Variants in PEX14 observed in about 807,000 individuals in gnomAD.
The protein encoded by PEX14 is peroxisomal biogenesis factor 14.
Under a neutral mutation model 49.5 loss-of-function variants are expected in PEX14, and 15 were observed. The ratio of observed to expected loss-of-function variants is 0.30; its 90% CI spans 0.20 to 0.47. PEX14 has a LOEUF of 0.47. PEX14 is among the 20% of genes least tolerant of loss of function. PEX14 has a pLI of 1.00. For synonymous variants in PEX14, 210 were observed against 212.7 expected (o/e 0.99, Z 0.11); for missense variants, 398 against 494.8 (o/e 0.80, Z 1.86).
At chr1:10,584,485 G>A (rs1640422468) in intron 3 of PEX14, among the ~76,000 whole-genome samples, 1 of 152,156 alleles carries the variant, frequency 6.6e-6, no homozygotes, top group African/African-American at 2.4e-5. Context: ...ATTAAGACAT[G>A]CTTACTGAAA....
At chr1:10,551,026 C>T (rs1639319055) in intron 3 of PEX14, among the ~76,000 whole-genome samples, 1 of 152,040 alleles carries the variant, frequency 6.6e-6, no homozygotes, top group South Asian at 2.1e-4. Context: ...AAAGTAAATG[C>T]CGTTGACTTT....
At chr1:10,508,430 A>G (rs548968112) in intron 2 of PEX14, among the ~76,000 whole-genome samples, 16 of 152,238 alleles carry the variant, frequency 1.1e-4, no homozygotes, top group African/African-American at 3.6e-4. Flanking sequence ...GATGGTCTCG[A>G]TCTCCTGACC....
chr1:10,535,650 A>G (rs1638777110), intron 2 of PEX14, among the ~76,000 whole-genome samples: 2 of 152,184 alleles, frequency 1.3e-5, no homozygotes, highest in Admixed American at 1.3e-4. Flanking sequence ...TATGTCTTCA[A>G]TTATATGGTA....
chr1:10,559,939 T>C (rs1486478365), intron 3 of PEX14, among the ~76,000 whole-genome samples: 1 of 152,200 alleles, frequency 6.6e-6, no homozygotes, highest in Non-Finnish European at 1.5e-5. Flanking sequence ...GATGATAAGA[T>C]TCCAGTTCTG....
intron 3 of PEX14, among the ~76,000 whole-genome samples, chr1:10,545,684 A>C (rs776919340): frequency 1.3e-5 from 2 of 152,218 alleles, no homozygotes; most frequent in African/African-American, 2.4e-5. Context: ...TTCGTGGTAC[A>C]TTGGTTTCTT....
At chr1:10,611,598 C>G (rs1641279596) in intron 4 of PEX14, among the ~76,000 whole-genome samples, 1 of 152,194 alleles carries the variant, frequency 6.6e-6, no homozygotes, top group African/African-American at 2.4e-5. Context: ...GTTTGTGTTC[C>G]CATCAGCAAT....
intron 3 of PEX14, among the ~76,000 whole-genome samples, chr1:10,553,847 T>A (rs1415659442): frequency 1.3e-5 from 2 of 152,164 alleles, no homozygotes; most frequent in African/African-American, 4.8e-5. Flanking sequence ...AGTCAACCTG[T>A]TTGCTGATCT....
At chr1:10,579,798 G>T (rs1179674016) in intron 3 of PEX14, among the ~76,000 whole-genome samples, 3 of 152,056 alleles carry the variant, frequency 2.0e-5, no homozygotes, top group African/African-American at 7.2e-5. Flanking sequence ...GTTTTGGTGG[G>T]TTTTGGCCAG....
intron 3 of PEX14, among the ~76,000 whole-genome samples, chr1:10,598,538 G>A (rs935115253): frequency 6.6e-6 from 1 of 152,196 alleles, no homozygotes; most frequent in Non-Finnish European, 1.5e-5. Context: ...CCCATGTATG[G>A]TGTGGTTTAG....
chr1:10,608,462 G>T (rs1248131047), intron 4 of PEX14, among the ~76,000 whole-genome samples: 1 of 152,086 alleles, frequency 6.6e-6, no homozygotes, highest in Non-Finnish European at 1.5e-5. Flanking sequence ...AGGAGTTCGA[G>T]ACCAGCCTGG....
At chr1:10,610,097 T>C (rs1641236166) in intron 4 of PEX14, among the ~76,000 whole-genome samples, 1 of 148,076 alleles carries the variant, frequency 6.8e-6, no homozygotes, top group Non-Finnish European at 1.5e-5. Context: ...ATTTCTATAT[T>C]ATATGTAAAT....
At chr1:10,609,469 A>G (rs184323569) in intron 4 of PEX14, among the ~76,000 whole-genome samples, 17 of 152,362 alleles carry the variant, frequency 1.1e-4, no homozygotes, top group Non-Finnish European at 1.9e-4. Context: ...ATCACAATAT[A>G]GAAAATTTCT....
chr1:10,608,330 A>G (rs1343907840), intron 4 of PEX14, among the ~76,000 whole-genome samples: 1 of 152,176 alleles, frequency 6.6e-6, no homozygotes, highest in Non-Finnish European at 1.5e-5. Context: ...TTATGTTCAA[A>G]AGATTATCTT....
chr1:10,510,669 G>A (rs1408105565), intron 2 of PEX14, among the ~76,000 whole-genome samples: 1 of 152,168 alleles, frequency 6.6e-6, no homozygotes, highest in Admixed American at 6.5e-5. Context: ...ATACCGTATT[G>A]CTCAGCTCCT....
intron 5 of PEX14, among the ~76,000 whole-genome samples, chr1:10,621,189 TAAA>T (rs774844943): frequency 1.5e-4 from 17 of 113,312 alleles, no homozygotes; most frequent in African/African-American, 3.0e-4. Context: ...TTCTCGAAAT[TAAA>T]AAAAAAAAAA....
chr1:10,602,366 G>A (rs1350620950), intron 4 of PEX14, among the ~76,000 whole-genome samples: 2 of 151,516 alleles, frequency 1.3e-5, no homozygotes, highest in African/African-American at 2.4e-5. Context: ...CTCTCACTCC[G>A]GGGGTGACTC....
At chr1:10,587,878 A>G (rs970037588) in intron 3 of PEX14, among the ~76,000 whole-genome samples, 3 of 144,962 alleles carry the variant, frequency 2.1e-5, no homozygotes, top group Non-Finnish European at 3.0e-5. Flanking sequence ...GGACACACAT[A>G]TGTATACACA....
intron 3 of PEX14, among the ~76,000 whole-genome samples, chr1:10,583,600 T>C (rs564884016): frequency 2.6e-5 from 4 of 151,912 alleles, no homozygotes; most frequent in African/African-American, 9.7e-5. Context: ...TAGCAGTGAA[T>C]AAAATAACCC....
At chr1:10,593,044 A>G (rs1640716991) in intron 3 of PEX14, among the ~76,000 whole-genome samples, 1 of 152,224 alleles carries the variant, frequency 6.6e-6, no homozygotes, top group Admixed American at 6.5e-5. Flanking sequence ...TCAGTCTTTC[A>G]GCTAGCAGTG....
Sources: allele counts gnomAD v4.1 joint callset (sites outside exome capture counted in the v4.1 genomes callset), GRCh38; gene constraint gnomAD v4.1.1; transcripts MANE v1.5; gene names NCBI Gene and HGNC (gene_info 2026-07-23, HGNC 2026-07-21).